Variants in C8orf34 observed in about 807,000 individuals in gnomAD.
The protein encoded by C8orf34 is uncharacterized protein C8orf34.
Under a neutral mutation model 68.3 loss-of-function variants are expected in C8orf34, and 65 were observed. The observed-to-expected ratio is 0.95, with a 90% CI of 0.78 to 1.17. C8orf34 has a LOEUF of 1.17. Ranked by LOEUF, C8orf34 falls within the 50% of genes most tolerant of loss-of-function variation. The probability of loss-of-function intolerance (pLI) is 0.00; values close to 1 mark genes in which losing one functional copy is unlikely to be tolerated. For synonymous variants in C8orf34, 244 were observed against 241.2 expected (o/e 1.01, Z -0.11); for missense variants, 664 against 655.4 (o/e 1.01, Z -0.14).
intron 1 of C8orf34, among the ~76,000 whole-genome samples, chr8:68,370,586 G>A (rs1197818164): frequency 6.6e-6 from 1 of 152,148 alleles, no homozygotes; most frequent in African/African-American, 2.4e-5. Context: ...AATGTCCAGT[G>A]TGCACATGAT....
chr8:68,382,982 T>A (rs1040742259), intron 1 of C8orf34, among the ~76,000 whole-genome samples: 7 of 152,158 alleles, frequency 4.6e-5, no homozygotes, highest in Non-Finnish European at 7.4e-5. Flanking sequence ...AAATGAAAGC[T>A]CCACTCTCAT....
At chr8:68,572,694 C>T (rs998694331) in intron 7 of C8orf34, among the ~76,000 whole-genome samples, 14 of 151,894 alleles carry the variant, frequency 9.2e-5, no homozygotes, top group African/African-American at 1.9e-4. Flanking sequence ...TCCTATTTGC[C>T]GAGATTTGGT....
intron 8 of C8orf34, among the ~76,000 whole-genome samples, chr8:68,647,692 C>T (rs1819220312): frequency 6.6e-6 from 1 of 151,808 alleles, no homozygotes; most frequent in South Asian, 2.1e-4. Context: ...ATTAAAGGAT[C>T]GAGAATATAA....
chr8:68,695,073 A>G (rs1002930912), intron 8 of C8orf34, among the ~76,000 whole-genome samples: 3 of 152,184 alleles, frequency 2.0e-5, no homozygotes, highest in South Asian at 4.1e-4. Context: ...AACAAACTTA[A>G]TATCTAGAAA....
chr8:68,477,956 G>A (rs1812693469), intron 4 of C8orf34, among the ~76,000 whole-genome samples: 1 of 152,158 alleles, frequency 6.6e-6, no homozygotes, highest in South Asian at 2.1e-4. Flanking sequence ...GCCTGGCCCA[G>A]GAAACCATTT....
chr8:68,524,779 A>AAT (rs1814907048), intron 6 of C8orf34, among the ~76,000 whole-genome samples: 1 of 152,222 alleles, frequency 6.6e-6, no homozygotes, highest in Admixed American at 6.5e-5. Context: ...ATAAGCCTAT[A>AAT]TACTCTTATT....
intron 1 of C8orf34, among the ~76,000 whole-genome samples, chr8:68,396,893 A>G (rs1232719742): frequency 1.3e-5 from 2 of 151,972 alleles, no homozygotes; most frequent in African/African-American, 4.8e-5. Flanking sequence ...AGCCTGCAGA[A>G]CTGTGAGCCA....
chr8:68,384,057 A>C (rs1168146000), intron 1 of C8orf34, among the ~76,000 whole-genome samples: 1 of 152,232 alleles, frequency 6.6e-6, no homozygotes, highest in Non-Finnish European at 1.5e-5. Context: ...CCTTTCTCAG[A>C]AGACATGATA....
intron 6 of C8orf34, among the ~76,000 whole-genome samples, chr8:68,529,484 T>C (rs1815154625): frequency 6.6e-6 from 1 of 152,228 alleles, no homozygotes; most frequent in African/African-American, 2.4e-5. Context: ...CATAATTCAT[T>C]ATAGCAAAAC....
intron 1 of C8orf34, among the ~76,000 whole-genome samples, chr8:68,367,907 GAAAAGAA>G (rs1807361615): frequency 1.9e-3 from 28 of 15,024 alleles, no homozygotes; most frequent in Non-Finnish European, 2.6e-4. Context: ...AATAAAAAAA[GAAAAGAA>G]AAAAAAAAAA....
chr8:68,698,534 G>A (rs1054007249), intron 8 of C8orf34, among the ~76,000 whole-genome samples: 1 of 151,932 alleles, frequency 6.6e-6, no homozygotes, highest in Non-Finnish European at 1.5e-5. Context: ...ACAGAAGAGG[G>A]GCTGGTTTTT....
intron 6 of C8orf34, chr8:68,525,835 C>T (rs567088128): frequency 9.6e-5 from 40 of 416,064 alleles, no homozygotes; most frequent in African/African-American, 7.7e-4. Context: ...TGATAAGAAC[C>T]TGGTGTTTGT....
At chr8:68,753,177 A>G (rs1432998037) in intron 10 of C8orf34, among the ~76,000 whole-genome samples, 1 of 152,224 alleles carries the variant, frequency 6.6e-6, no homozygotes, top group Non-Finnish European at 1.5e-5. Context: ...GATAAAGGAA[A>G]TGATCACTGT....
chr8:68,760,886 T>A (rs991709809), intron 10 of C8orf34, among the ~76,000 whole-genome samples: 6 of 152,182 alleles, frequency 3.9e-5, no homozygotes, highest in African/African-American at 1.4e-4. Context: ...ATTTGACTAA[T>A]ACAATGGTTG....
intron 12 of C8orf34, among the ~76,000 whole-genome samples, chr8:68,807,763 T>G (rs922543835): frequency 2.0e-5 from 3 of 152,208 alleles, no homozygotes; most frequent in Non-Finnish European, 2.9e-5. Flanking sequence ...CTAGAGAGTA[T>G]TTTATCTTGC....
intron 1 of C8orf34, among the ~76,000 whole-genome samples, chr8:68,416,056 G>T (rs1423259117): frequency 6.6e-6 from 1 of 152,118 alleles, no homozygotes; most frequent in African/African-American, 2.4e-5. Context: ...AAGCACCTAG[G>T]ACTATGCGTC....
chr8:68,737,143 C>T (rs1339319743), intron 10 of C8orf34, among the ~76,000 whole-genome samples: 5 of 152,198 alleles, frequency 3.3e-5, no homozygotes, highest in Middle Eastern at 3.4e-3. Flanking sequence ...CTAAAACATG[C>T]TTCTAGAACA....
intron 1 of C8orf34, among the ~76,000 whole-genome samples, chr8:68,360,142 A>C (rs1806922224): frequency 6.6e-6 from 1 of 152,144 alleles, no homozygotes; most frequent in Non-Finnish European, 1.5e-5. Context: ...TCCTTAAACA[A>C]AAATTCTGTC....
At chr8:68,591,110 C>T (rs1036962882) in intron 7 of C8orf34, among the ~76,000 whole-genome samples, 1 of 152,108 alleles carries the variant, frequency 6.6e-6, no homozygotes, top group Non-Finnish European at 1.5e-5. Flanking sequence ...GCATACCCTG[C>T]CACCATCTTG....
Sources: gnomAD v4.1 joint callset for allele counts (sites outside exome capture counted in the v4.1 genomes callset) on GRCh38, gnomAD v4.1.1 for gene constraint, MANE v1.5 for transcripts, NCBI Gene and HGNC (gene_info 2026-07-23, HGNC 2026-07-21) for gene names.